KLC1: variants seen among roughly 807,000 people sequenced by gnomAD.
KLC1 encodes the protein kinesin light chain 1.
A neutral mutation model predicts 84.2 loss-of-function variants in KLC1; 30 were observed. That is an observed-to-expected ratio of 0.36 (90% confidence interval 0.27 to 0.48). The LOEUF (loss-of-function observed/expected upper bound fraction) is 0.48, where lower values mean the gene tolerates loss of function less well. Ranked by LOEUF, KLC1 falls within the 20% of genes least tolerant of loss-of-function variation. KLC1 has a pLI of 0.99. For synonymous variants in KLC1, 289 were observed against 293.3 expected, an observed-to-expected ratio of 0.99 and a Z score of 0.15; for missense variants, 499 against 805.4, an observed-to-expected ratio of 0.62 and a Z score of 4.60.
chr14:103,685,058 G>A lies in KLC1; in HGVS notation c.1651-2023G>A, dbSNP rs556922334. The A allele has an allele frequency of 6.3e-5, 98 of 1,548,210 alleles. 2 individuals are homozygous for A. The South Asian group carries it at 9.6e-4, about 15-fold the overall frequency. ...CATGGTGAGTCCGAGCGGGCGGGGC[G>A]CAGGCCCTGCCGTCTGGCGCTTCTG... is the stretch of plus-strand genomic sequence containing the variant. On this transcript the variant is annotated intron_variant, in intron 13 of 16. Transcript: ENST00000334553.
At chr14:103,644,802 A>G (rs561120235) in intron 1 of KLC1, among the ~76,000 whole-genome samples, 28 of 152,190 alleles carry the variant, frequency 1.8e-4, no homozygotes, top group African/African-American at 4.1e-4. Context: ...TCTTAGGACA[A>G]TTTTTTTGGG....
chr14:103,656,058 G>A (rs1409900733), intron 2 of KLC1, among the ~76,000 whole-genome samples: 3 of 152,208 alleles, frequency 2.0e-5, no homozygotes, highest in African/African-American at 7.2e-5. Context: ...CTGCACCTTG[G>A]CAGCCTGTCT....
chr14:103,699,583 G>T (rs1228351585), intron 15 of KLC1: 1 of 1,612,844 alleles, frequency 6.2e-7, no homozygotes, highest in Non-Finnish European at 8.5e-7. Context: ...TGTCCTGTGG[G>T]GACAGCTGTC....
At chr14:103,677,329 TG>T in intron 11 of KLC1, 85 bp from the exon 12 acceptor site, 1 of 803,760 alleles carries the variant, frequency 1.2e-6, no homozygotes, top group Non-Finnish European at 2.2e-6. Flanking sequence ...AACAGAAGTC[TG>T]TTAGTTCTTT....
At chr14:103,636,253 C>T (rs1474883137) in intron 1 of KLC1, among the ~76,000 whole-genome samples, 5 of 152,040 alleles carry the variant, frequency 3.3e-5, no homozygotes, top group Admixed American at 6.6e-5. Flanking sequence ...TGGAGTTTCA[C>T]TCTTGTTGCC....
At position 103,679,459 on chromosome 14, in the gene KLC1, C is replaced by G. The variant is rs199602906; in HGVS notation, c.1564C>G (p.Arg522Gly). The G allele has an allele frequency of 6.2e-7, 1 of 1,614,138 alleles. No homozygotes were observed. The highest frequency in any genetic ancestry group is 1.7e-5 in the Admixed American group (1 of 60,012). The change falls in exon 13 of 17, where the codon CGT becomes GGT. Residue 522 changes from arginine (R) to glycine (G), a missense_variant. Coordinates refer to ENST00000334553, the MANE Select transcript of KLC1 (RefSeq NM_001394837.1). ...DPENMEKRRS[R>G]ESLNVDVVKY... is the part of the protein sequence containing the mutation. ...TGAGAACATGGAGAAGCGCAGGAGC[C>G]GTGAGAGCCTCAACGTGGACGTGGT...
At chr14:103,668,638 C>T (rs1005624888) in intron 5 of KLC1, among the ~76,000 whole-genome samples, 15 of 151,806 alleles carry the variant, frequency 9.9e-5, no homozygotes, top group Non-Finnish European at 1.8e-4. Flanking sequence ...CTGCCATGCC[C>T]GGCTATTTTT....
chr14:103,631,103 T>C (rs1211244126), intron 1 of KLC1, among the ~76,000 whole-genome samples: 2 of 151,518 alleles, frequency 1.3e-5, no homozygotes, highest in Non-Finnish European at 2.9e-5. Flanking sequence ...TTTTTTGAGA[T>C]GGAGTCTCGC....
chr14:103,650,876 G>C (rs2151456967), intron 1 of KLC1, among the ~76,000 whole-genome samples: 1 of 152,224 alleles, frequency 6.6e-6, no homozygotes, highest in East Asian at 1.9e-4. Flanking sequence ...ACCAAGCCCA[G>C]CCGCCTGTAT....
Position 103,662,261 on chromosome 14 carries a change from C to A in KLC1, c.571+67C>A. The A allele has an allele frequency of 2.3e-6, 3 of 1,281,092 alleles. No homozygotes were observed. The South Asian group carries it at 3.6e-5, about 15-fold the overall frequency. The allele number at this position is 1,281,092 out of a possible 1,614,324, so 79.4% of individuals were successfully genotyped here. On this transcript the variant is annotated intron_variant, in intron 4 of 16. Transcript: ENST00000334553. ...AGAGGTGTTCCTCCTAGAACACGGT[C>A]ATAGCAATCAGTGGCAGCCTTAGTG...
intron 1 of KLC1, among the ~76,000 whole-genome samples, chr14:103,635,999 G>A (rs955685245): frequency 5.9e-5 from 9 of 151,922 alleles, no homozygotes; most frequent in East Asian, 5.8e-4. Context: ...GAAACCTCGC[G>A]CCACTTCAAT....
chr14:103,671,018 AGT>A (rs1567028314), intron 7 of KLC1, among the ~76,000 whole-genome samples: 1 of 152,160 alleles, frequency 6.6e-6, no homozygotes, highest in Non-Finnish European at 1.5e-5. Flanking sequence ...ATGGCCTAGA[AGT>A]GACTCTGATT....
intron 1 of KLC1, among the ~76,000 whole-genome samples, chr14:103,651,382 T>C (rs2078429417): frequency 7.0e-6 from 1 of 142,900 alleles, no homozygotes; most frequent in African/African-American, 2.5e-5. Context: ...TATTTCCTTC[T>C]AGTTTCTTGG....
intron 13 of KLC1, among the ~76,000 whole-genome samples, chr14:103,681,512 T>C (rs1171829179): frequency 1.3e-5 from 2 of 151,714 alleles, no homozygotes; most frequent in African/African-American, 4.8e-5. Context: ...CAGGCTGGAG[T>C]GCAGTCACGC....
chr14:103,648,157 G>T (rs1201280920), intron 1 of KLC1, among the ~76,000 whole-genome samples: 1 of 151,972 alleles, frequency 6.6e-6, no homozygotes, highest in African/African-American at 2.4e-5. Context: ...CACCATGTTG[G>T]CCAGGATGGT....
At chr14:103,690,281 G>A (rs371504529) in intron 14 of KLC1, among the ~76,000 whole-genome samples, 1 of 152,194 alleles carries the variant, frequency 6.6e-6, no homozygotes, top group East Asian at 1.9e-4. Flanking sequence ...CTTTGTTCTT[G>A]AGTGGTTCTA....
intron 5 of KLC1, among the ~76,000 whole-genome samples, chr14:103,666,973 T>C (rs2079908909): frequency 6.6e-6 from 1 of 150,784 alleles, no homozygotes; most frequent in Admixed American, 6.6e-5. Flanking sequence ...AGACAGGGTC[T>C]TATCATTCTT....
At chr14:103,692,615 T>C (rs1259745270) in intron 15 of KLC1, among the ~76,000 whole-genome samples, 190 bp downstream of exon 15, 1 of 152,200 alleles carries the variant, frequency 6.6e-6, no homozygotes, top group Non-Finnish European at 1.5e-5. Context: ...ATTATGTGAA[T>C]TATGGGCATG....
At chr14:103,695,610 GAA>G in intron 15 of KLC1, 1 of 985,328 alleles carries the variant, frequency 1.0e-6, no homozygotes, top group Non-Finnish European at 1.2e-6. Flanking sequence ...ATCTGGAAAG[GAA>G]AAAGGGCATT....
Sources: allele counts gnomAD v4.1 joint callset (sites outside exome capture counted in the v4.1 genomes callset), GRCh38; gene constraint gnomAD v4.1.1; transcripts MANE v1.5; gene names NCBI Gene and HGNC (gene_info 2026-07-23, HGNC 2026-07-21).